The following STK32B variants were observed in gnomAD, a reference collection of about 807,000 sequenced individuals.
STK32B encodes the protein serine/threonine kinase 32B, also known as serine/threonine-protein kinase 32B.
STK32B carries 43 observed loss-of-function variants against 52.6 expected under a neutral mutation model. That is an observed-to-expected ratio of 0.82 (90% confidence interval 0.64 to 1.05). The LOEUF is 1.05. Among genes scored for constraint, STK32B ranks in the 50% least tolerant of loss-of-function variants. The probability of loss-of-function intolerance (pLI) is 0.00; values close to 1 mark genes in which losing one functional copy is unlikely to be tolerated. For missense variants in STK32B, 621 were observed against 534.6 expected (o/e 1.16, Z -1.59); for synonymous variants, 238 against 204.3 (o/e 1.17, Z -1.41).
intron 1 of STK32B, among the ~76,000 whole-genome samples, chr4:5,100,804 T>TTCTTTCCTTCCTTCC (rs1553823991): frequency 1.6e-3 from 24 of 15,270 alleles, no homozygotes; most frequent in Admixed American, 3.9e-3. Context: ...TCCTTCCCCT[T>TTCTTTCCTTCCTTCC]CCTTCCTTCC....
At chr4:5,382,599 A>G (rs1347718881) in intron 4 of STK32B, among the ~76,000 whole-genome samples, 1 of 152,082 alleles carries the variant, frequency 6.6e-6, no homozygotes, top group Non-Finnish European at 1.5e-5. Context: ...AAAATTCCCA[A>G]GAGTTCTCAG....
At chr4:5,063,163 G>C (rs1236322808) in intron 1 of STK32B, among the ~76,000 whole-genome samples, 1 of 152,108 alleles carries the variant, frequency 6.6e-6, no homozygotes, top group Non-Finnish European at 1.5e-5. Context: ...TTCATAAGAT[G>C]ATGGCAAATT....
At chr4:5,265,442 C>T (rs185288564) in intron 3 of STK32B, among the ~76,000 whole-genome samples, 341 of 152,306 alleles carry the variant, frequency 2.2e-3, no homozygotes, top group African/African-American at 7.3e-3. Flanking sequence ...GACTACGCCC[C>T]GAAGCTTTGC....
At chr4:5,446,920 CTG>C (rs757983859) in intron 7 of STK32B, 144 bp downstream of exon 7, 12 of 687,970 alleles carry the variant, frequency 1.7e-5, no homozygotes, top group Non-Finnish European at 3.0e-5. Context: ...GTCCTGATGC[CTG>C]TGTGCCGCCT....
chr4:5,096,705 T>C (rs1713419970), intron 1 of STK32B, among the ~76,000 whole-genome samples: 2 of 152,332 alleles, frequency 1.3e-5, no homozygotes, highest in African/African-American at 2.4e-5. Context: ...GAGGCTTACC[T>C]GAGCTTGTAG....
rs567754390 is a variant in STK32B at position 5,062,343 on chromosome 4, A to G, written c.52+10428A>G. The stretch of plus-strand genomic sequence containing the variant: ...TTTCTGAAGGCATCAGGTAACTGTA[A>G]GTTGTGTCTTTTTGGGACACACACA... On this transcript the variant is annotated intron_variant, in intron 1 of 11. Coordinates refer to ENST00000282908, the MANE Select transcript of STK32B (RefSeq NM_018401.3). Among the ~76,000 whole-genome samples, 3 of 152,328 alleles carry G rather than the reference A, an allele frequency of 2.0e-5. No homozygotes were observed. In the East Asian group the frequency reaches 5.8e-4, roughly 29 times the overall value.
chr4:5,184,695 A>AAAAAAGAAG (rs58321341), intron 3 of STK32B, among the ~76,000 whole-genome samples: 1 of 137,560 alleles, frequency 7.3e-6, no homozygotes, highest in African/African-American at 2.7e-5. Context: ...AAAAAAAAAA[A>AAAAAAGAAG]AAGAAGAAGA....
At chr4:5,388,749 C>T (rs1190078122) in intron 4 of STK32B, among the ~76,000 whole-genome samples, 2 of 152,174 alleles carry the variant, frequency 1.3e-5, no homozygotes, top group African/African-American at 4.8e-5. Flanking sequence ...AAGATGACTC[C>T]CTCATTGGGC....
At chr4:5,488,736 C>T (rs934427136) in intron 11 of STK32B, among the ~76,000 whole-genome samples, 2 of 152,088 alleles carry the variant, frequency 1.3e-5, no homozygotes, top group Non-Finnish European at 2.9e-5. Flanking sequence ...TCTTTGCAAC[C>T]TTCCTTAGCA....
rs77687473 is a variant in STK32B at position 5,451,609 on chromosome 4, G to A, written c.666+4833G>A. ...GGGAGAACAGTAGTACAGGCCCGTG[G>A]TACAGGTTTCTCCACCTCGGCACTA... On this transcript the variant is annotated intron_variant, in intron 7 of 11. Transcript: ENST00000282908. Among the ~76,000 whole-genome samples the A allele has an allele frequency of 2.8e-4, 43 of 152,248 alleles. 1 individual carries two copies. The East Asian group carries it at 6.4e-3, about 23-fold the overall frequency.
At chr4:5,368,206 A>G (rs548528025) in intron 4 of STK32B, among the ~76,000 whole-genome samples, 91 of 151,986 alleles carry the variant, frequency 6.0e-4, no homozygotes, top group African/African-American at 2.1e-3. Context: ...ACAATGGCAA[A>G]CTCACCACTT....
chr4:5,075,491 C>T (rs2108770720), intron 1 of STK32B, among the ~76,000 whole-genome samples: 1 of 152,158 alleles, frequency 6.6e-6, no homozygotes, highest in South Asian at 2.1e-4. Context: ...AAAAATATAT[C>T]TAAGTAGGTT....
At chr4:5,359,352 C>T (rs55857087) in intron 4 of STK32B, among the ~76,000 whole-genome samples, 1 of 151,992 alleles carries the variant, frequency 6.6e-6, no homozygotes, top group Non-Finnish European at 1.5e-5. Context: ...TCCACCCATC[C>T]ATCCACTCAT....
rs547024895 is a variant in STK32B, at chr4:5,214,759, A to G, written c.260+46309A>G. ...TGCTTATTTTCAGAAGATACTGTAT[A>G]TACAGATTTGAATTTTCATTTTTCC... On this transcript the variant is annotated intron_variant, in intron 3 of 11. Transcript: ENST00000282908. Among the ~76,000 whole-genome samples, 7 of 152,360 alleles carry G rather than the reference A, an allele frequency of 4.6e-5. No homozygotes were observed. The South Asian group carries it at 6.2e-4, about 14-fold the overall frequency.
chr4:5,080,481 G>A (rs1040066367), intron 1 of STK32B, among the ~76,000 whole-genome samples: 5 of 152,080 alleles, frequency 3.3e-5, no homozygotes, highest in African/African-American at 9.7e-5. Context: ...TTTCTGAAAC[G>A]TCAGTTTCTC....
chr4:5,285,168 T>C (rs118168534), intron 3 of STK32B, among the ~76,000 whole-genome samples: 3,476 of 152,292 alleles, frequency 0.023, 61 homozygotes, highest in South Asian at 0.057. Flanking sequence ...ATACAAAATA[T>C]GTGTTAATCA....
At chr4:5,158,871 T>G (rs954480851) in intron 2 of STK32B, among the ~76,000 whole-genome samples, 1 of 152,166 alleles carries the variant, frequency 6.6e-6, no homozygotes, top group Non-Finnish European at 1.5e-5. Flanking sequence ...AAAGCCTCCA[T>G]GTCCAAATAC....
At chr4:5,440,212 G>A (rs949840483) in intron 6 of STK32B, among the ~76,000 whole-genome samples, 38 of 152,126 alleles carry the variant, frequency 2.5e-4, no homozygotes, top group Non-Finnish European at 4.7e-4. Flanking sequence ...CCATTTTCAC[G>A]ATATTGATTC....
At chr4:5,214,848 T>C (rs552353672) in intron 3 of STK32B, among the ~76,000 whole-genome samples, 2 of 152,196 alleles carry the variant, frequency 1.3e-5, no homozygotes, top group East Asian at 3.8e-4. Flanking sequence ...GTGAGAGAGG[T>C]ATGAACAAAG....
Sources: gnomAD v4.1 joint callset for allele counts (sites outside exome capture counted in the v4.1 genomes callset) on GRCh38, gnomAD v4.1.1 for gene constraint, MANE v1.5 for transcripts, NCBI Gene and HGNC (gene_info 2026-07-23, HGNC 2026-07-21) for gene names.